MDN1: variants seen among roughly 807,000 people sequenced by gnomAD.
MDN1 encodes midasin AAA ATPase 1.
MDN1 carries 266 observed loss-of-function variants against 669.2 expected under a neutral mutation model. The ratio of observed to expected loss-of-function variants is 0.40; its 90% CI spans 0.36 to 0.44. The LOEUF is 0.44. Ranked by LOEUF, MDN1 falls within the 20% of genes least tolerant of loss-of-function variation. The pLI is 1.00. For missense variants in MDN1, 5,940 were observed against 6,754.0 expected (o/e 0.88, Z 4.22); for synonymous variants, 2,385 against 2,457.1 (o/e 0.97, Z 0.87).
At position 89,644,106 on chromosome 6, in the gene MDN1, G is replaced by A. The variant is rs115592020; in HGVS notation, c.16690C>T (p.Pro5564Ser). 31 of 1,614,010 alleles carry A rather than the reference G, an allele frequency of 1.9e-5. No individual in the cohort carries two copies. In the East Asian group the frequency reaches 6.7e-4, roughly 35 times the overall value. The part of the protein sequence containing the change: ...IRSYMEEFPF[P>S]YYIILRDVNA... Reference sequence around the variant, plus strand: ...ACATCTCGAAGAATGATATAGTATGGGAATGGGAACTCTTCCATGTAGGAT... The same window carrying A: ...ACATCTCGAAGAATGATATAGTATGAGAATGGGAACTCTTCCATGTAGGAT... Residue 5564 changes from proline to serine, a missense_variant, in exon 102 of 102, where the codon CCA becomes TCA. By Grantham distance (74) the Pro-to-Ser change is moderately conservative (BLOSUM62 -1). Coordinates refer to ENST00000369393, the MANE Select transcript of MDN1 (RefSeq NM_014611.3).
chr6:89,714,471 G>T, intron 46 of MDN1, 72 bp downstream of exon 46: 1 of 1,237,972 alleles, frequency 8.1e-7, no homozygotes, highest in Non-Finnish European at 1.1e-6. Flanking sequence ...TCTTTGATGA[G>T]CAGTCCAATG....
At chr6:89,716,982 G>A (rs1232934772) in intron 43 of MDN1, among the ~76,000 whole-genome samples, 173 bp from the exon 44 acceptor site, 2 of 152,226 alleles carry the variant, frequency 1.3e-5, no homozygotes, top group African/African-American at 4.8e-5. Flanking sequence ...TTAAGTTTAA[G>A]ACAGAAAATA....
rs1036998723 is a variant in MDN1 at position 89,786,459 on chromosome 6, T to C, written c.1335-1333A>G. Among the ~76,000 whole-genome samples the C allele has an allele frequency of 5.3e-4, 81 of 151,792 alleles. 1 individual carries two copies. The highest frequency in any genetic ancestry group is 1.9e-3 in the African/African-American group (78 of 41,400). On this transcript the variant is annotated intron_variant, in intron 8 of 101. Coordinates refer to ENST00000369393, the MANE Select transcript of MDN1 (RefSeq NM_014611.3). Reference sequence around the variant, plus strand: ...AATAATAATAAAAAAAATTTGTTTTTAGCCAGGCATGGTGGTGTACCCCTG... The same window carrying C: ...AATAATAATAAAAAAAATTTGTTTTCAGCCAGGCATGGTGGTGTACCCCTG...
chr6:89,684,534 C>T (rs1335336445), intron 71 of MDN1, among the ~76,000 whole-genome samples: 1 of 152,120 alleles, frequency 6.6e-6, no homozygotes, highest in Admixed American at 6.5e-5. Context: ...AGCGGTCCCT[C>T]CTTCCCCCAT....
At chr6:89,733,374 C>T (rs915495311) in intron 33 of MDN1, among the ~76,000 whole-genome samples, 1 of 151,676 alleles carries the variant, frequency 6.6e-6, no homozygotes, top group Non-Finnish European at 1.5e-5. Flanking sequence ...AAAGAAAATA[C>T]TTAAGTAGTA....
At chr6:89,707,174 C>A (rs570186497) in intron 52 of MDN1, among the ~76,000 whole-genome samples, 187 bp downstream of exon 52, 85 of 152,272 alleles carry the variant, frequency 5.6e-4, no homozygotes, top group Non-Finnish European at 1.0e-3. Context: ...TAGCTAAGCA[C>A]CTGGCACAAA....
Position 89,678,700 on chromosome 6 carries a change from TC to T in MDN1, c.12310del (p.Glu4104AsnfsTer59). The T allele has an allele frequency of 6.2e-7, 1 of 1,614,098 alleles. No individual in the cohort carries two copies. Among genetic ancestry groups the T allele is most frequent in the Non-Finnish European group, 8.5e-7 (1 of 1,179,968 alleles). ...SVSELQSLKVEPSAEKEKQRS... is the reference protein window; with the variant it reads ...SVSELQSLKVXPSAEKEKQRS... ...CTGCTTCTCCTTCTCTGCAGAGGGT[TC>T]CACCTTTAAGCTCTGCAGCTCACTC... On this transcript the variant is annotated frameshift_variant, in exon 75 of 102. Coordinates refer to ENST00000369393, the MANE Select transcript of MDN1 (RefSeq NM_014611.3). LOFTEE classifies it high-confidence loss of function.
At chr6:89,732,813 G>C in intron 33 of MDN1, 38 bp from the exon 34 acceptor site, 1 of 1,589,894 alleles carries the variant, frequency 6.3e-7, no homozygotes, top group Non-Finnish European at 8.6e-7. Flanking sequence ...TGCTGTTAAC[G>C]GGAGATCCCA....
rs774040394 is a variant in MDN1, at chr6:89,645,146, G to A, written c.16471C>T (p.Leu5491Phe). The change falls in exon 101 of 102, where the codon CTC (leucine) becomes TTC (phenylalanine). Residue 5491 changes from leucine to phenylalanine, a missense_variant. Around this residue, in one of 5 missense-constraint regions of MDN1, gnomAD observed 2,280 missense variants for 2,576.3 expected, o/e 0.88. Transcript: ENST00000369393. ...CGCCCATCAGAGACTACCAGGAGGA[G>A]TTGTGCAGTTTCTGTAGACCATATA... The part of the protein sequence containing the change: ...SQNISSETAQ[L>F]LLVVSDGRGL... The A allele has an allele frequency of 6.2e-7, 1 of 1,605,352 alleles. No homozygotes were observed. Among genetic ancestry groups the A allele is most frequent in the Admixed American group, 1.7e-5 (1 of 59,894 alleles).
intron 84 of MDN1, among the ~76,000 whole-genome samples, chr6:89,665,369 A>C (rs1022088776): frequency 7.2e-5 from 11 of 152,100 alleles, no homozygotes; most frequent in Non-Finnish European, 1.3e-4. Flanking sequence ...ATTTGGGGCA[A>C]AAAGTTTTGT....
chr6:89,680,137 G>T (rs1415003370), intron 74 of MDN1, among the ~76,000 whole-genome samples: 1 of 152,142 alleles, frequency 6.6e-6, no homozygotes, highest in Non-Finnish European at 1.5e-5. Context: ...TACACTATGA[G>T]ATCTTCGCTC....
intron 16 of MDN1, 41 bp downstream of exon 16, chr6:89,762,278 C>T (rs1213518042): frequency 3.9e-6 from 6 of 1,521,602 alleles, no homozygotes; most frequent in East Asian, 2.3e-5. Context: ...TAAAGCCCAG[C>T]CCCATGCCCT....
rs775308932 is a variant in MDN1, at chr6:89,774,651, C to G, written c.1904G>C (p.Arg635Pro). 2.5e-6 allele frequency: 4 copies of G among 1,613,570 alleles called. No homozygotes were observed. Among genetic ancestry groups the G allele is most frequent in the Non-Finnish European group, 2.5e-6 (3 of 1,179,620 alleles). The change falls in exon 13 of 102, where the codon CGG (arginine) becomes CCG (proline). Residue 635 changes from arginine to proline, a missense_variant. This residue lies in a region of MDN1 where 1,203 missense variants were observed against 1,268.9 expected (regional missense o/e 0.95). Coordinates refer to ENST00000369393, the MANE Select transcript of MDN1 (RefSeq NM_014611.3). ...DLQVGRVRLLRKQSEAVHLQR... is the reference protein window; with the variant it reads ...DLQVGRVRLLPKQSEAVHLQR... ...TAGGTGAACAGCCTCACTTTGTTTC[C>G]GTAGAAGCCGCACTCGACCCACTTG... is the stretch of plus-strand genomic sequence containing the variant.
intron 96 of MDN1, 80 bp downstream of exon 96, chr6:89,650,647 AATGGT>A: frequency 9.9e-7 from 1 of 1,008,034 alleles, no homozygotes; most frequent in Non-Finnish European, 1.5e-6. Context: ...TGGCACTATA[AATGGT>A]TAGGTGCCGC....
At chr6:89,713,932 G>A (rs976794667) in intron 46 of MDN1, among the ~76,000 whole-genome samples, 5 of 151,568 alleles carry the variant, frequency 3.3e-5, no homozygotes, top group African/African-American at 7.3e-5. Context: ...CAGCTACTCG[G>A]AGAGGCTGAG....
intron 1 of MDN1, chr6:89,814,882 G>C: frequency 2.1e-6 from 1 of 487,752 alleles, no homozygotes; most frequent in South Asian, 1.5e-5. Context: ...GTACCTCCTA[G>C]AAACCCCTAG....
chr6:89,691,540 G>T (rs55790586), intron 63 of MDN1, among the ~76,000 whole-genome samples: 1 of 150,088 alleles, frequency 6.7e-6, no homozygotes, highest in Non-Finnish European at 1.5e-5. Context: ...GTTGGTTTTT[G>T]TTTTTTTTTG....
chr6:89,778,611 G>C (rs145931211), intron 11 of MDN1, among the ~76,000 whole-genome samples: 1 of 151,926 alleles, frequency 6.6e-6, no homozygotes, highest in South Asian at 2.1e-4. Context: ...GTGACTGGGC[G>C]CAGTGGCTCA....
At position 89,715,687 on chromosome 6, in the gene MDN1, A is replaced by C. The variant is rs757961316; in HGVS notation, c.6826T>G (p.Ser2276Ala). The change falls in exon 45 of 102, where the codon TCC (serine) becomes GCC (alanine). Residue 2276 changes from serine (S) to alanine (A), a missense_variant. Ser to Ala is a moderately conservative substitution (Grantham distance 99). This residue lies in a region of MDN1 where 2,292 missense variants were observed against 2,638.3 expected (regional missense o/e 0.87). Coordinates refer to ENST00000369393, the MANE Select transcript of MDN1 (RefSeq NM_014611.3). The part of the protein sequence containing the change: ...TISERGMIDG[S>A]TPTITPNPNF... ...GGATTTGGTGTTATCGTGGGAGTGG[A>C]TCCATCTATCATTCCTCTCTCACTA... 2 of 1,612,972 alleles carry C rather than the reference A, an allele frequency of 1.2e-6. No homozygotes were observed. The highest frequency in any genetic ancestry group is 1.7e-6 in the Non-Finnish European group (2 of 1,178,926).
Sources: gnomAD v4.1 joint callset for allele counts (sites outside exome capture counted in the v4.1 genomes callset) on GRCh38, gnomAD v4.1.1 for gene constraint, gnomAD v4.1.1 regional missense constraint, MANE v1.5 for transcripts, NCBI Gene and HGNC (gene_info 2026-07-23, HGNC 2026-07-21) for gene names.